Variants in CFAP74 observed in about 807,000 individuals in gnomAD.
CFAP74 encodes cilia and flagella associated protein 74.
Under a neutral mutation model 188.9 loss-of-function variants are expected in CFAP74, and 124 were observed. That is an observed-to-expected ratio of 0.66 (90% CI 0.57 to 0.76). The LOEUF is 0.76. Ranked by LOEUF, CFAP74 falls within the 30% of genes least tolerant of loss-of-function variation. The pLI is 0.00. For synonymous variants in CFAP74, 956 were observed against 916.7 expected (o/e 1.04, Z -0.77); for missense variants, 2,198 against 2,165.2 (o/e 1.02, Z -0.30).
At chr1:1,928,420 G>A (rs999944193) in intron 27 of CFAP74, among the ~76,000 whole-genome samples, 3 of 152,208 alleles carry the variant, frequency 2.0e-5, no homozygotes, top group Admixed American at 6.5e-5. Context: ...CTCCAGGGCC[G>A]GCACTTGTGG....
At chr1:1,952,723 C>G (rs901061382) in intron 18 of CFAP74, among the ~76,000 whole-genome samples, 1 of 152,038 alleles carries the variant, frequency 6.6e-6, no homozygotes, top group Non-Finnish European at 1.5e-5. Flanking sequence ...GGTGCAATCA[C>G]AGCTCACTGC....
chr1:1,970,926 CG>C, intron 9 of CFAP74, 110 bp from the exon 10 acceptor site: 1 of 1,306,664 alleles, frequency 7.7e-7, no homozygotes, highest in Non-Finnish European at 1.1e-6. Flanking sequence ...CGTGCACACA[CG>C]TGCACACACA....
intron 18 of CFAP74, chr1:1,953,831 A>T (rs1213546350): frequency 2.0e-5 from 3 of 152,974 alleles, no homozygotes; most frequent in Non-Finnish European, 4.4e-5. Flanking sequence ...ACAAATTCCA[A>T]TAGAAATGAC....
intron 25 of CFAP74, among the ~76,000 whole-genome samples, chr1:1,937,046 G>A (rs28658236): frequency 0.15 from 22,198 of 152,288 alleles, 2,237 homozygotes; most frequent in Non-Finnish European, 0.22. Context: ...TGTAAACGGC[G>A]AAGCAAACTG....
chr1:1,948,071 C>A (rs1376268243), intron 18 of CFAP74, among the ~76,000 whole-genome samples: 2 of 152,000 alleles, frequency 1.3e-5, no homozygotes, highest in Non-Finnish European at 2.9e-5. Context: ...CGGGGTTTCA[C>A]CATATCGGCC....
chr1:1,938,725 T>TGCCCA (rs1653131206), intron 25 of CFAP74, 130 bp downstream of exon 25: 1 of 1,114,886 alleles, frequency 9.0e-7, no homozygotes, highest in South Asian at 1.6e-5. Flanking sequence ...CCGGCAGTGC[T>TGCCCA]GCCCAGCCCA....
chr1:1,970,905 A>G (rs1207578002), intron 9 of CFAP74, 89 bp from the exon 10 acceptor site: 3 of 1,510,462 alleles, frequency 2.0e-6, no homozygotes, highest in South Asian at 1.2e-5. Context: ...ACACAGGTTC[A>G]TACATGCACA....
rs1045364573 is a variant in CFAP74 at position 1,930,352 on chromosome 1, T to C, written c.3012-16A>G. The stretch of plus-strand genomic sequence containing the variant: ...CTTGAAGCACCTGCAAGCAGCAGCA[T>C]GGGAGGCCCTCAGCCGTGCAGGGCG... On this transcript the variant is annotated splice_polypyrimidine_tract_variant and intron_variant, in intron 25 of 38. Transcript: ENST00000682832. 4 of 1,508,898 alleles carry C rather than the reference T, an allele frequency of 2.7e-6. No individual in the cohort carries two copies. Among genetic ancestry groups the C allele is most frequent in the African/African-American group, 1.4e-5 (1 of 72,778 alleles). The allele number at this position is 1,508,898 out of a possible 1,614,324, so 93.5% of individuals were successfully genotyped here.
chr1:1,953,766 G>A (rs1413892342), intron 18 of CFAP74: 1 of 153,586 alleles, frequency 6.5e-6, no homozygotes, highest in Non-Finnish European at 1.5e-5. Context: ...CAAAAGCGAT[G>A]TCCTATGTCT....
chr1:1,949,918 C>G (rs1205133746), intron 18 of CFAP74, among the ~76,000 whole-genome samples: 2 of 152,188 alleles, frequency 1.3e-5, no homozygotes, highest in Non-Finnish European at 2.9e-5. Flanking sequence ...ATCCACTCCC[C>G]ACGCGTGGGA....
At chr1:1,987,879 C>T (rs76016298) in intron 4 of CFAP74, 16 of 337,456 alleles carry the variant, frequency 4.7e-5, no homozygotes, top group Non-Finnish European at 8.2e-5. Context: ...CTGCCGGAGC[C>T]GAGGAGGGAA....
Position 1,975,098 on chromosome 1 carries a change from G to A in CFAP74, c.501-900C>T, listed in dbSNP as rs1446711940. Among the ~76,000 whole-genome samples the A allele has an allele frequency of 6.6e-6, 1 of 152,250 alleles. No individual in the cohort carries two copies. The highest frequency in any genetic ancestry group is 1.9e-4 in the East Asian group (1 of 5,200). On this transcript the variant is annotated intron_variant, in intron 6 of 38. Coordinates refer to ENST00000682832, the MANE Select transcript of CFAP74 (RefSeq NM_001304360.2). This position sits in a 1 kb window ranked among gnomAD's most constrained non-coding sequence, Gnocchi z 4.5. ...TCACTGCATTGCTGACATTCCACGTGACGTGTGCCACAGCTCTGTCCTAGA... is the reference window on the plus strand; with the variant it reads ...TCACTGCATTGCTGACATTCCACGTAACGTGTGCCACAGCTCTGTCCTAGA...
intron 20 of CFAP74, 75 bp downstream of exon 20, chr1:1,946,242 C>T: frequency 6.9e-7 from 1 of 1,457,184 alleles, no homozygotes; most frequent in Non-Finnish European, 9.1e-7. Context: ...ACCTTGTGGC[C>T]AAGGGCAGCT....
At chr1:1,984,700 A>G (rs1657124037) in intron 6 of CFAP74, 1 of 152,730 alleles carries the variant, frequency 6.5e-6, no homozygotes, top group African/African-American at 2.4e-5. Flanking sequence ...ACTGGGTCAA[A>G]GCTCAGTGGT....
At chr1:1,954,973 C>T in intron 18 of CFAP74, 1 of 1,177,544 alleles carries the variant, frequency 8.5e-7, no homozygotes, top group South Asian at 1.5e-5. Flanking sequence ...GGATCTAGAA[C>T]CCGAGGCTCT....
rs1372212645 is a variant in CFAP74 at position 1,966,421 on chromosome 1, C to T, written c.1351G>A (p.Ala451Thr). The T allele has an allele frequency of 1.2e-6, 2 of 1,604,090 alleles. No individual in the cohort carries two copies. Among genetic ancestry groups the T allele is most frequent in the Non-Finnish European group, 1.7e-6 (2 of 1,174,478 alleles). Residue 451 changes from alanine (A) to threonine (T), a missense_variant, in exon 12 of 39, where the codon GCT becomes ACT. Coordinates refer to ENST00000682832, the MANE Select transcript of CFAP74 (RefSeq NM_001304360.2). Reference sequence around the variant, plus strand: ...CAAAGCCCAGAGATCTCGGGCTCAGCTAACGTTTCCTCCTCTGAGCTGGCC... The same window carrying T: ...CAAAGCCCAGAGATCTCGGGCTCAGTTAACGTTTCCTCCTCTGAGCTGGCC... ...PGASSEEETL[A>T]EPEISGLWNE... is the part of the protein sequence containing the mutation.
chr1:1,961,398 A>G (rs958517862), intron 14 of CFAP74, among the ~76,000 whole-genome samples: 3 of 152,346 alleles, frequency 2.0e-5, no homozygotes, highest in Middle Eastern at 3.4e-3. Context: ...GCGGAAAGCC[A>G]GGTATCCTCC....
Position 1,974,125 on chromosome 1 carries a change from C to G in CFAP74, c.574G>C (p.Glu192Gln). Residue 192 changes from glutamate (E) to glutamine (Q), a missense_variant, in exon 7 of 39, where the codon GAG (glutamate) becomes CAG (glutamine). Transcript: ENST00000682832. ...AFRTADREEV[E>Q]ATGRRLQVRA... ...ACCTGGAGCCGCCGCCCCGTGGCCT[C>G]CACCTCCTCACGGTCAGCTGTCCGG... 1 of 1,612,734 alleles carries G rather than the reference C, an allele frequency of 6.2e-7. No homozygotes were observed. Among genetic ancestry groups the G allele is most frequent in the Non-Finnish European group, 8.5e-7 (1 of 1,179,346 alleles).
At chr1:1,987,845 G>A (rs543168820) in intron 4 of CFAP74, 51 of 330,190 alleles carry the variant, frequency 1.5e-4, no homozygotes, top group East Asian at 9.3e-4. Context: ...CGGCCATGAC[G>A]GTCACTTGGA....
Sources: allele counts gnomAD v4.1 joint callset (sites outside exome capture counted in the v4.1 genomes callset), GRCh38; gene constraint gnomAD v4.1.1; non-coding constraint Gnocchi (gnomAD v3.1); transcripts MANE v1.5; gene names NCBI Gene and HGNC (gene_info 2026-07-23, HGNC 2026-07-21).